Variants in RABGAP1L observed in about 807,000 individuals in gnomAD.
RABGAP1L encodes the protein rab GTPase-activating protein 1-like.
RABGAP1L carries 63 observed loss-of-function variants against 137.7 expected under a neutral mutation model. The ratio of observed to expected loss-of-function variants is 0.46; its 90% CI spans 0.37 to 0.56. RABGAP1L has a LOEUF of 0.56. Among genes scored for constraint, RABGAP1L ranks in the 20% least tolerant of loss-of-function variants. The pLI, the probability that RABGAP1L is intolerant of heterozygous loss-of-function variation, is 0.00. For synonymous variants in RABGAP1L, 431 were observed against 433.7 expected (o/e 0.99, Z 0.08); for missense variants, 1,095 against 1,244.0 (o/e 0.88, Z 1.80).
chr1:174,312,808 T>C (rs1678981555), intron 11 of RABGAP1L, among the ~76,000 whole-genome samples: 1 of 152,212 alleles, frequency 6.6e-6, no homozygotes, highest in African/African-American at 2.4e-5. Flanking sequence ...TTCATCCTTC[T>C]GGATATGGAT....
intron 13 of RABGAP1L, among the ~76,000 whole-genome samples, chr1:174,571,825 A>G (rs1667999021): frequency 6.6e-6 from 1 of 152,178 alleles, no homozygotes; most frequent in Admixed American, 6.5e-5. Flanking sequence ...TGGGAACCAA[A>G]TGAATTATAA....
chr1:174,361,459 A>G (rs917025400), intron 11 of RABGAP1L, among the ~76,000 whole-genome samples: 1 of 151,744 alleles, frequency 6.6e-6, no homozygotes, highest in Non-Finnish European at 1.5e-5. Flanking sequence ...CAGTTTTTTC[A>G]TTGGCATTTT....
chr1:174,957,630 T>C (rs1431922807), intron 20 of RABGAP1L, 81 bp downstream of exon 20: 4 of 1,299,532 alleles, frequency 3.1e-6, no homozygotes, highest in Non-Finnish European at 4.4e-6. Context: ...TTGCCCAGGC[T>C]GGTCTTGAAC....
intron 18 of RABGAP1L, among the ~76,000 whole-genome samples, chr1:174,786,252 T>C (rs1004253706): frequency 6.6e-6 from 1 of 152,216 alleles, no homozygotes; most frequent in Non-Finnish European, 1.5e-5. Flanking sequence ...AAGGGGATAT[T>C]TTTTGTTAAT....
At chr1:174,953,642 G>A (rs75174697) in intron 19 of RABGAP1L, among the ~76,000 whole-genome samples, 1,699 of 152,268 alleles carry the variant, frequency 0.011, 36 homozygotes, top group African/African-American at 0.04. Flanking sequence ...AGATGAAAAA[G>A]CCCATTTCAT....
At chr1:174,362,787 T>C (rs1291580569) in intron 11 of RABGAP1L, among the ~76,000 whole-genome samples, 1 of 152,218 alleles carries the variant, frequency 6.6e-6, no homozygotes, top group African/African-American at 2.4e-5. Context: ...AGAAGCTCTT[T>C]AGTTTAATTA....
chr1:174,346,080 C>G (rs1436159455), intron 11 of RABGAP1L, among the ~76,000 whole-genome samples: 1 of 152,102 alleles, frequency 6.6e-6, no homozygotes, highest in East Asian at 1.9e-4. Context: ...ATACTTTTAT[C>G]TCGAGGATAA....
chr1:174,550,876 A>C (rs1666387832), intron 13 of RABGAP1L, among the ~76,000 whole-genome samples: 1 of 83,756 alleles, frequency 1.2e-5, no homozygotes, highest in Non-Finnish European at 2.1e-5. Flanking sequence ...ATATATATAT[A>C]TATATATATA....
At chr1:174,819,521 T>C (rs902902253) in intron 19 of RABGAP1L, among the ~76,000 whole-genome samples, 1 of 152,180 alleles carries the variant, frequency 6.6e-6, no homozygotes, top group African/African-American at 2.4e-5. Flanking sequence ...GTGAGATAAA[T>C]GTTCAGAAGA....
intron 17 of RABGAP1L, among the ~76,000 whole-genome samples, chr1:174,731,204 T>C (rs887582962): frequency 4.6e-5 from 7 of 151,290 alleles, no homozygotes; most frequent in African/African-American, 7.3e-5. Context: ...AACTCTGACC[T>C]CAAGAGATCT....
In RABGAP1L at chr1:174,355,511, C is replaced by G. The variant is rs530391900; in HGVS notation, c.1466-15468C>G. ...ATAGCATTAGGAGATATACCTAATG[C>G]TAAATGACGAATTAATGGGTGCAGC... On this transcript the variant is annotated intron_variant, in intron 11 of 25. Transcript: ENST00000681986. 4.7e-5 allele frequency among the ~76,000 whole-genome samples: 7 copies of G among 150,528 alleles called. 1 individual carries two copies. In the East Asian group the frequency reaches 1.4e-3, roughly 29 times the overall value.
intron 10 of RABGAP1L, 135 bp downstream of exon 10, chr1:174,278,914 A>G (rs925361859): frequency 5.0e-6 from 4 of 799,666 alleles, no homozygotes; most frequent in Non-Finnish European, 7.1e-6. Context: ...TTTGAAGTCA[A>G]CCAATAGAGT....
intron 17 of RABGAP1L, among the ~76,000 whole-genome samples, chr1:174,745,205 C>T (rs1573005850): frequency 6.6e-6 from 1 of 152,152 alleles, no homozygotes; most frequent in East Asian, 1.9e-4. Context: ...CTTTTGATTG[C>T]TTGGTTCCTT....
intron 3 of RABGAP1L, among the ~76,000 whole-genome samples, chr1:174,223,264 TAAAAA>T (rs550034492): frequency 2.5e-5 from 1 of 39,848 alleles, no homozygotes; most frequent in African/African-American, 6.0e-5. Flanking sequence ...AGACTCTGTC[TAAAAA>T]AAAAAAAAAA....
chr1:174,675,276 G>T (rs1200713786), intron 14 of RABGAP1L, among the ~76,000 whole-genome samples: 3 of 151,202 alleles, frequency 2.0e-5, no homozygotes, highest in African/African-American at 4.8e-5. Context: ...TAAGGTGTAA[G>T]GAAGGGATCC....
chr1:174,232,920 T>G (rs995925675), intron 4 of RABGAP1L, among the ~76,000 whole-genome samples: 8 of 152,208 alleles, frequency 5.3e-5, no homozygotes, highest in Non-Finnish European at 1.5e-5. Context: ...TCTTTTCTTC[T>G]TAGCCTGTTT....
intron 13 of RABGAP1L, among the ~76,000 whole-genome samples, chr1:174,612,225 G>A (rs1386368373): frequency 2.6e-5 from 4 of 152,156 alleles, no homozygotes; most frequent in Admixed American, 6.5e-5. Context: ...TTTGAGATAT[G>A]TCCCATCAAT....
chr1:174,203,470 C>G (rs1458247355), intron 1 of RABGAP1L, among the ~76,000 whole-genome samples: 1 of 152,128 alleles, frequency 6.6e-6, no homozygotes, highest in Non-Finnish European at 1.5e-5. Flanking sequence ...GTCTATGTGC[C>G]TGTTTTTGTA....
At chr1:174,218,146 A>C (rs571236693) in intron 1 of RABGAP1L, among the ~76,000 whole-genome samples, 1 of 152,174 alleles carries the variant, frequency 6.6e-6, no homozygotes, top group South Asian at 2.1e-4. Flanking sequence ...TTAGGCTCAG[A>C]TATTTTCCTC....
Sources: allele counts gnomAD v4.1 joint callset (sites outside exome capture counted in the v4.1 genomes callset), GRCh38; gene constraint gnomAD v4.1.1; transcripts MANE v1.5; gene names NCBI Gene and HGNC (gene_info 2026-07-23, HGNC 2026-07-21).